ATG5: variants seen among roughly 807,000 people sequenced by gnomAD.
ATG5 encodes autophagy protein 5.
In ATG5, 14 loss-of-function variants were observed where a neutral mutation model predicts 36.5. The ratio of observed to expected loss-of-function variants is 0.38; its 90% CI spans 0.25 to 0.60. ATG5 has a LOEUF of 0.60. ATG5 is among the 20% of genes least tolerant of loss of function. The probability of loss-of-function intolerance (pLI) is 0.60; values close to 1 mark genes in which losing one functional copy is unlikely to be tolerated. For missense variants in ATG5, 195 were observed against 326.7 expected (o/e 0.60, Z 3.11); for synonymous variants, 95 against 101.5 (o/e 0.94, Z 0.38).
At chr6:106,209,752 A>T (rs970762168) in intron 6 of ATG5, among the ~76,000 whole-genome samples, 1 of 152,198 alleles carries the variant, frequency 6.6e-6, no homozygotes, top group Non-Finnish European at 1.5e-5. Context: ...GTAATTATGC[A>T]AGATGTTAGA....
At chr6:106,312,123 G>A (rs530436615) in intron 2 of ATG5, among the ~76,000 whole-genome samples, 95 of 152,306 alleles carry the variant, frequency 6.2e-4, no homozygotes, top group African/African-American at 2.3e-3. Context: ...GAGCCACTGT[G>A]CCTGGCCTGA....
chr6:106,271,093 A>C (rs1582636902), intron 5 of ATG5, among the ~76,000 whole-genome samples: 1 of 152,352 alleles, frequency 6.6e-6, no homozygotes, highest in East Asian at 1.9e-4. Flanking sequence ...CCTGCTTAAA[A>C]GTCCTCCAAT....
At chr6:106,195,514 G>A (rs1052527041) in intron 7 of ATG5, among the ~76,000 whole-genome samples, 1 of 151,798 alleles carries the variant, frequency 6.6e-6, no homozygotes. Context: ...TTTTTAATAC[G>A]TAATAAAAAG....
intron 4 of ATG5, among the ~76,000 whole-genome samples, chr6:106,286,866 A>C (rs753926115): frequency 6.6e-6 from 1 of 152,188 alleles, no homozygotes; most frequent in Admixed American, 6.5e-5. Context: ...CAGCAAACTA[A>C]GTCTACAAGT....
chr6:106,188,164 G>A (rs532229728), intron 7 of ATG5, among the ~76,000 whole-genome samples: 15 of 151,968 alleles, frequency 9.9e-5, no homozygotes, highest in Non-Finnish European at 1.6e-4. Flanking sequence ...CAGTACTTTG[G>A]GAAGATTTTT....
chr6:106,280,752 T>C (rs1224340908), intron 4 of ATG5, among the ~76,000 whole-genome samples: 1 of 152,158 alleles, frequency 6.6e-6, no homozygotes, highest in Non-Finnish European at 1.5e-5. Flanking sequence ...TTATTATTGC[T>C]ATTTTACAGA....
intron 6 of ATG5, among the ~76,000 whole-genome samples, chr6:106,246,900 G>C (rs995331837): frequency 2.6e-5 from 4 of 152,160 alleles, no homozygotes; most frequent in African/African-American, 9.6e-5. Context: ...TAATAAATTA[G>C]AAATTCAAAT....
At chr6:106,238,048 G>C (rs1777964818) in intron 6 of ATG5, among the ~76,000 whole-genome samples, 1 of 152,122 alleles carries the variant, frequency 6.6e-6, no homozygotes, top group African/African-American at 2.4e-5. Context: ...TAACATACCA[G>C]TATTTATCTT....
chr6:106,257,068 A>T (rs1778829931), intron 5 of ATG5, among the ~76,000 whole-genome samples: 1 of 152,218 alleles, frequency 6.6e-6, no homozygotes, highest in Admixed American at 6.5e-5. Flanking sequence ...TTTGTTAAAA[A>T]CTAAGACACA....
intron 3 of ATG5, among the ~76,000 whole-genome samples, chr6:106,293,653 T>C (rs922232153): frequency 6.6e-6 from 1 of 152,202 alleles, no homozygotes; most frequent in African/African-American, 2.4e-5. Context: ...TATAACTTTT[T>C]TCACATAATA....
rs1170048111 is a variant in ATG5 at position 106,322,553 on chromosome 6, CCT to C, written c.-59+2971_-59+2972del. On this transcript the variant is annotated intron_variant, in intron 1 of 7. Coordinates refer to ENST00000369076, the MANE Select transcript of ATG5 (RefSeq NM_004849.4). ...ATGTTCACTTCTTCCTCCTCCTCCT[CCT>C]CTCTCTCAGCTAATGACCTTGCTTT... Among the ~76,000 whole-genome samples the C allele has an allele frequency of 4.6e-5, 7 of 152,294 alleles. No homozygotes were observed. In the East Asian group the frequency reaches 1.3e-3, roughly 29 times the overall value.
At chr6:106,195,154 C>G (rs1776124837) in intron 7 of ATG5, among the ~76,000 whole-genome samples, 1 of 152,210 alleles carries the variant, frequency 6.6e-6, no homozygotes, top group African/African-American at 2.4e-5. Context: ...GAACAATGAC[C>G]TAAAGCACGT....
rs114109860 is a variant in ATG5 at position 106,316,143 on chromosome 6, T to C, written c.66A>G (p.Leu22=). 3,353 of 1,613,684 alleles carry C rather than the reference T, an allele frequency of 2.1e-3. 61 individuals carry two copies. The African/African-American group carries it at 0.04, about 19-fold the overall frequency. The change falls in exon 2 of 8, where the codon CTA becomes CTG. Residue 22 remains leucine (L), a synonymous_variant. Coordinates refer to ENST00000369076, the MANE Select transcript of ATG5 (RefSeq NM_004849.4). ...WFGRIPTCFT[L]YQDEITEREA... is the part of the protein sequence containing the mutation. ...CCCTTTCAGTTATCTCATCCTGATATAGCGTGAAACAAGTTGGAATTCGTC... is the reference window on the plus strand; with the variant it reads ...CCCTTTCAGTTATCTCATCCTGATACAGCGTGAAACAAGTTGGAATTCGTC...
chr6:106,210,660 T>C (rs544316391), intron 6 of ATG5, among the ~76,000 whole-genome samples: 3 of 152,320 alleles, frequency 2.0e-5, no homozygotes, highest in South Asian at 4.1e-4. Flanking sequence ...GGATTCAGCT[T>C]ATGGTTCCAA....
rs772499685 is a variant in ATG5, at chr6:106,293,123, A to G, written c.237-17T>C. ...GGATAATGCCTAAAAATGAAACAGT[A>G]TATTTTGAGAAAATAAATATTTAAA... On this transcript the variant is annotated splice_polypyrimidine_tract_variant and intron_variant, in intron 3 of 7. Coordinates refer to ENST00000369076, the MANE Select transcript of ATG5 (RefSeq NM_004849.4). 1.0e-5 allele frequency: 16 copies of G among 1,598,758 alleles called. No homozygotes were observed. The highest frequency in any genetic ancestry group is 6.8e-5 in the Admixed American group (4 of 58,932).
At chr6:106,297,016 A>G (rs1769978769) in intron 3 of ATG5, among the ~76,000 whole-genome samples, 1 of 152,244 alleles carries the variant, frequency 6.6e-6, no homozygotes. Flanking sequence ...TTTAATGACA[A>G]TAGTGAAATT....
intron 4 of ATG5, among the ~76,000 whole-genome samples, chr6:106,288,292 G>A (rs146275719): frequency 2.6e-5 from 4 of 152,052 alleles, no homozygotes; most frequent in East Asian, 3.9e-4. Flanking sequence ...TCTAATATAT[G>A]TTTAAATTTT....
At chr6:106,243,387 C>T (rs1330036668) in intron 6 of ATG5, among the ~76,000 whole-genome samples, 1 of 152,052 alleles carries the variant, frequency 6.6e-6, no homozygotes, top group East Asian at 1.9e-4. Context: ...AAAAATTAGC[C>T]AGGCATGGCA....
intron 5 of ATG5, among the ~76,000 whole-genome samples, chr6:106,276,356 C>T (rs1779649721): frequency 6.6e-6 from 1 of 150,678 alleles, no homozygotes; most frequent in South Asian, 2.1e-4. Flanking sequence ...CCCAGCTATT[C>T]GGGAGGCTGA....
Sources: gnomAD v4.1 joint callset for allele counts (sites outside exome capture counted in the v4.1 genomes callset) on GRCh38, gnomAD v4.1.1 for gene constraint, MANE v1.5 for transcripts, NCBI Gene and HGNC (gene_info 2026-07-23, HGNC 2026-07-21) for gene names.